The following DDX1 variants were observed in gnomAD, a reference collection of about 807,000 sequenced individuals.
DDX1 encodes DEAD-box helicase 1, also known as ATP-dependent RNA helicase DDX1.
In DDX1, 28 loss-of-function variants were observed where a neutral mutation model predicts 108.7. The ratio of observed to expected loss-of-function variants is 0.26; its 90% CI spans 0.19 to 0.35. The LOEUF is 0.35. Ranked by LOEUF, DDX1 falls within the 10% of genes least tolerant of loss-of-function variation. The probability of loss-of-function intolerance (pLI) is 1.00; values close to 1 mark genes in which losing one functional copy is unlikely to be tolerated. For missense variants in DDX1, 710 were observed against 884.5 expected (o/e 0.80, Z 2.50); for synonymous variants, 295 against 288.9 (o/e 1.02, Z -0.21).
chr2:15,622,685 C>G (rs1332552527), intron 18 of DDX1, among the ~76,000 whole-genome samples: 1 of 152,210 alleles, frequency 6.6e-6, no homozygotes, highest in Non-Finnish European at 1.5e-5. Context: ...TGGAGAAGAG[C>G]AGAGACACTG....
At chr2:15,620,492 T>C (rs1374649777) in intron 17 of DDX1, 96 bp downstream of exon 17, 13 of 932,492 alleles carry the variant, frequency 1.4e-5, no homozygotes, top group African/African-American at 3.4e-5. Flanking sequence ...CAATCAGTTA[T>C]TGTATCAAAG....
At chr2:15,606,694 C>G (rs1665667649) in intron 12 of DDX1, among the ~76,000 whole-genome samples, 1 of 152,220 alleles carries the variant, frequency 6.6e-6, no homozygotes, top group South Asian at 2.1e-4. Context: ...AGCAGTCTGA[C>G]TTCCAAGTTT....
chr2:15,601,650 A>C (rs533513240), intron 6 of DDX1, among the ~76,000 whole-genome samples: 6 of 152,334 alleles, frequency 3.9e-5, no homozygotes, highest in South Asian at 4.1e-4. Context: ...TCATGTGTTC[A>C]GCTATCCTGG....
chr2:15,611,787 G>C (rs1665768496), intron 13 of DDX1, among the ~76,000 whole-genome samples: 1 of 109,996 alleles, frequency 9.1e-6, no homozygotes, highest in African/African-American at 4.1e-5. Flanking sequence ...CGGGCGGGGG[G>C]CTGACCCCCC....
chr2:15,595,517 T>C lies in DDX1; in HGVS notation c.96T>C (p.Ser32=). ...WLLPTDIQAE[S]IPLILGGGDV... ...TCCCAACTGATATCCAGGCTGAATCTATCCCATTGATCTTAGGAGGAGGTG... is the reference window on the plus strand; with the variant it reads ...TCCCAACTGATATCCAGGCTGAATCCATCCCATTGATCTTAGGAGGAGGTG... The change falls in exon 3 of 26, where the codon TCT becomes TCC. Residue 32 remains serine (S), a synonymous_variant. Transcript: ENST00000233084. 6.2e-7 allele frequency: 1 copy of C among 1,611,704 alleles called. No individual in the cohort carries two copies. Among genetic ancestry groups the C allele is most frequent in the Non-Finnish European group, 8.5e-7 (1 of 1,177,808 alleles).
intron 16 of DDX1, among the ~76,000 whole-genome samples, chr2:15,619,645 C>T (rs928549456): frequency 2.0e-5 from 3 of 152,010 alleles, no homozygotes; most frequent in African/African-American, 4.8e-5. Context: ...CGTTACTGGA[C>T]GAAATAGTAT....
At chr2:15,612,307 G>A (rs1665786949) in intron 13 of DDX1, among the ~76,000 whole-genome samples, 1 of 151,478 alleles carries the variant, frequency 6.6e-6, no homozygotes, top group South Asian at 2.1e-4. Context: ...GCCGGGTAGA[G>A]GCGCTCCTCA....
chr2:15,609,877 G>C (rs1049587432), intron 13 of DDX1, among the ~76,000 whole-genome samples: 2 of 152,144 alleles, frequency 1.3e-5, no homozygotes, highest in African/African-American at 4.8e-5. Context: ...ATAGGAATTA[G>C]AATCTTTTTT....
chr2:15,629,033 G>A (rs1421175894), intron 23 of DDX1, among the ~76,000 whole-genome samples, 194 bp downstream of exon 23: 1 of 152,078 alleles, frequency 6.6e-6, no homozygotes, highest in African/African-American at 2.4e-5. Flanking sequence ...AAGGAAAAAT[G>A]CAAAATATAA....
chr2:15,611,487 G>A (rs1665755230), intron 13 of DDX1, among the ~76,000 whole-genome samples: 3 of 144,292 alleles, frequency 2.1e-5, no homozygotes, highest in Admixed American at 6.8e-5. Flanking sequence ...CCCACCTCCC[G>A]GACGGGGCGG....
chr2:15,612,147 C>T (rs890284393), intron 13 of DDX1, among the ~76,000 whole-genome samples: 1 of 149,682 alleles, frequency 6.7e-6, no homozygotes, highest in African/African-American at 2.5e-5. Flanking sequence ...GCTGACCCCC[C>T]CCACCTCCCT....
At position 15,591,888 on chromosome 2, in the gene DDX1, G is replaced by C; in HGVS notation, c.-46G>C. On this transcript the variant is annotated 5_prime_UTR_variant, in exon 1 of 26. Transcript: ENST00000233084. ...CCGCCACTGCCACGCCGTGTCAGTC[G>C]GGAGGGAGGGAGCGAGCAGGCGAAG... 1 of 1,466,790 alleles carries C rather than the reference G, an allele frequency of 6.8e-7. No homozygotes were observed. The highest frequency in any genetic ancestry group is 3.0e-5 in the East Asian group (1 of 33,488). 90.9% of individuals were successfully genotyped at this position (1,466,790 alleles called of 1,614,324 possible).
chr2:15,630,122 A>G lies in DDX1; in HGVS notation c.2092+12A>G. ...AAGGGCTGCTGGTGGTAAGCTTTGAATTATTTTAAATACAATTTTAAATGT... is the reference window on the plus strand; with the variant it reads ...AAGGGCTGCTGGTGGTAAGCTTTGAGTTATTTTAAATACAATTTTAAATGT... On this transcript the variant is annotated intron_variant, in intron 25 of 25. Coordinates refer to ENST00000233084, the MANE Select transcript of DDX1 (RefSeq NM_004939.3). 1 of 1,611,188 alleles carries G rather than the reference A, an allele frequency of 6.2e-7. No homozygotes were observed. The highest frequency in any genetic ancestry group is 8.5e-7 in the Non-Finnish European group (1 of 1,179,124).
At chr2:15,628,911 T>G (rs1470449667) in intron 23 of DDX1, 72 bp downstream of exon 23, 2 of 1,436,780 alleles carry the variant, frequency 1.4e-6, no homozygotes, top group Non-Finnish European at 2.0e-6. Context: ...AAAAGCAGTT[T>G]GATTTTCCCA....
intron 13 of DDX1, among the ~76,000 whole-genome samples, chr2:15,611,380 G>A (rs950965264): frequency 7.3e-5 from 11 of 151,198 alleles, no homozygotes; most frequent in East Asian, 2.0e-4. Flanking sequence ...ATCATGGCCC[G>A]TTCTCAATGA....
chr2:15,613,194 TTTA>T, intron 13 of DDX1, 27 bp from the exon 14 acceptor site: 2 of 1,491,596 alleles, frequency 1.3e-6, no homozygotes, highest in Non-Finnish European at 1.8e-6. Context: ...TTTTTTTTTT[TTTA>T]TATTATCATC....
intron 1 of DDX1, 23 bp from the exon 2 acceptor site, chr2:15,595,122 T>A: frequency 6.3e-7 from 1 of 1,587,258 alleles, no homozygotes; most frequent in Non-Finnish European, 8.6e-7. Context: ...TATGTGGTTT[T>A]TAAAATTAAT....
At chr2:15,596,125 G>T (rs1351567194) in intron 3 of DDX1, among the ~76,000 whole-genome samples, 1 of 152,104 alleles carries the variant, frequency 6.6e-6, no homozygotes, top group Non-Finnish European at 1.5e-5. Context: ...AGCCTCAAGC[G>T]ATCCTCCTGT....
intron 19 of DDX1, among the ~76,000 whole-genome samples, chr2:15,624,458 C>A (rs1269072903): frequency 6.6e-6 from 1 of 152,148 alleles, no homozygotes; most frequent in African/African-American, 2.4e-5. Flanking sequence ...ACTCACAGTT[C>A]TTCAGAGCTG....
Sources: gnomAD v4.1 joint callset for allele counts (sites outside exome capture counted in the v4.1 genomes callset) on GRCh38, gnomAD v4.1.1 for gene constraint, MANE v1.5 for transcripts, NCBI Gene and HGNC (gene_info 2026-07-23, HGNC 2026-07-21) for gene names.